Variants in SLC12A2 observed in about 807,000 individuals in gnomAD.
SLC12A2 encodes Na-K-2Cl cotransporter 1.
In SLC12A2, 67 loss-of-function variants were observed where a neutral mutation model predicts 136.3. That is an observed-to-expected ratio of 0.49 (90% CI 0.40 to 0.60). The LOEUF (loss-of-function observed/expected upper bound fraction) is 0.60, where lower values mean the gene tolerates loss of function less well. Ranked by LOEUF, SLC12A2 falls within the 20% of genes least tolerant of loss-of-function variation. SLC12A2 has a pLI of 0.00. For missense variants in SLC12A2, 1,322 were observed against 1,534.7 expected (o/e 0.86, Z 2.32); for synonymous variants, 619 against 562.9 (o/e 1.10, Z -1.41).
chr5:128,159,939 G>T (rs759722776), intron 16 of SLC12A2, among the ~76,000 whole-genome samples: 1 of 152,250 alleles, frequency 6.6e-6, no homozygotes, highest in Non-Finnish European at 1.5e-5. Context: ...ACATACACAC[G>T]TATGTTTATT....
chr5:128,168,333 T>C (rs1199024451), intron 18 of SLC12A2: 1 of 152,302 alleles, frequency 6.6e-6, no homozygotes, highest in Non-Finnish European at 1.5e-5. Flanking sequence ...TTAAGTTATT[T>C]ACATTTCTTT....
Position 128,138,858 on chromosome 5 carries a change from T to C in SLC12A2, c.1571T>C (p.Leu524Pro). The C allele has an allele frequency of 6.2e-7, 1 of 1,613,488 alleles. No homozygotes were observed. Among genetic ancestry groups the C allele is most frequent in the Non-Finnish European group, 8.5e-7 (1 of 1,179,586 alleles). The change falls in exon 9 of 27, where the codon CTA becomes CCA. Residue 524 changes from leucine (L) to proline (P), a missense_variant. Leu to Pro is a moderately conservative substitution (Grantham distance 98, BLOSUM62 -3). This residue lies in a region of SLC12A2 where 294 missense variants were observed against 436.6 expected (regional missense o/e 0.67). Transcript: ENST00000262461. ...TCAGCCATACCCAAAGGAACACTCCTAGCCATTTTAATTACTACATTGGTT... is the reference window on the plus strand; with the variant it reads ...TCAGCCATACCCAAAGGAACACTCCCAGCCATTTTAATTACTACATTGGTT... ...PQSAIPKGTL[L>P]AILITTLVYV...
At chr5:128,167,991 A>G (rs1561699953) in intron 18 of SLC12A2, 124 bp downstream of exon 18, 1 of 572,244 alleles carries the variant, frequency 1.7e-6, no homozygotes, top group Non-Finnish European at 3.0e-6. Context: ...GAACGAAAAG[A>G]ATCACACAAA....
chr5:128,153,347 G>A (rs1762766562), intron 15 of SLC12A2, among the ~76,000 whole-genome samples: 1 of 152,204 alleles, frequency 6.6e-6, no homozygotes. Context: ...TTGAGGTCAG[G>A]AGTTTGAGAC....
intron 5 of SLC12A2, among the ~76,000 whole-genome samples, chr5:128,133,621 T>G (rs1290826568): frequency 6.6e-6 from 1 of 152,078 alleles, no homozygotes; most frequent in Non-Finnish European, 1.5e-5. Context: ...TAGCTTTTGC[T>G]TAGTTAACTG....
intron 1 of SLC12A2, among the ~76,000 whole-genome samples, chr5:128,111,259 A>T (rs889090479): frequency 3.3e-5 from 5 of 152,098 alleles, no homozygotes; most frequent in African/African-American, 1.2e-4. Flanking sequence ...AAATCAAAGA[A>T]TTAACAGTAA....
intron 9 of SLC12A2, among the ~76,000 whole-genome samples, chr5:128,140,485 T>C (rs972945162): frequency 1.3e-5 from 2 of 152,200 alleles, no homozygotes; most frequent in Admixed American, 6.5e-5. Flanking sequence ...AGTGACATAA[T>C]TGATTATGTT....
chr5:128,171,369 A>G lies in SLC12A2; in HGVS notation c.2724-298A>G, dbSNP rs1399461458. 1.1e-4 allele frequency among the ~76,000 whole-genome samples: 17 copies of G among 152,136 alleles called. 1 individual carries two copies. Among genetic ancestry groups the G allele is most frequent in the Admixed American group, 1.0e-3 (16 of 15,260 alleles). On this transcript the variant is annotated intron_variant, in intron 18 of 26. Coordinates refer to ENST00000262461, the MANE Select transcript of SLC12A2 (RefSeq NM_001046.3). The stretch of plus-strand genomic sequence containing the variant: ...GCGGGATTCTGAAAGTAGTTTTTCT[A>G]TAATTTAACTTAGTAGGATAAAAAT...
chr5:128,117,864 A>G (rs1761407206), intron 4 of SLC12A2, among the ~76,000 whole-genome samples: 1 of 152,180 alleles, frequency 6.6e-6, no homozygotes, highest in Non-Finnish European at 1.5e-5. Context: ...AGGAACTCAA[A>G]TCAGCAAGAA....
At chr5:128,092,925 A>C (rs889680486) in intron 1 of SLC12A2, among the ~76,000 whole-genome samples, 1 of 152,162 alleles carries the variant, frequency 6.6e-6, no homozygotes, top group Non-Finnish European at 1.5e-5. Context: ...AAAAAGCGGA[A>C]TATTTTATTT....
At chr5:128,126,967 T>TATATATATATA (rs1491322749) in intron 4 of SLC12A2, among the ~76,000 whole-genome samples, 8 of 29,648 alleles carry the variant, frequency 2.7e-4, no homozygotes, top group African/African-American at 5.8e-4. Context: ...TATATATATA[T>TATATATATATA]TTTTTTTTTT....
At chr5:128,118,975 G>C (rs780639085) in intron 4 of SLC12A2, among the ~76,000 whole-genome samples, 4 of 152,100 alleles carry the variant, frequency 2.6e-5, no homozygotes, top group Non-Finnish European at 5.9e-5. Context: ...AGATGGAGAG[G>C]AGAGTTAATG....
At chr5:128,173,796 C>T (rs1223203071) in intron 19 of SLC12A2, among the ~76,000 whole-genome samples, 1 of 152,128 alleles carries the variant, frequency 6.6e-6, no homozygotes, top group African/African-American at 2.4e-5. Flanking sequence ...TATGGACATA[C>T]TATCAATTTT....
At chr5:128,159,642 T>A (rs1762972223) in intron 16 of SLC12A2, among the ~76,000 whole-genome samples, 1 of 152,048 alleles carries the variant, frequency 6.6e-6, no homozygotes, top group Non-Finnish European at 1.5e-5. Flanking sequence ...GAAAAAAAGC[T>A]CATCGTCACT....
chr5:128,121,168 A>G (rs1313656187), intron 4 of SLC12A2, among the ~76,000 whole-genome samples: 1 of 152,222 alleles, frequency 6.6e-6, no homozygotes, highest in South Asian at 2.1e-4. Flanking sequence ...CTTTGTTATT[A>G]ACTTGTAAAC....
chr5:128,135,081 C>G (rs1296391781), intron 6 of SLC12A2, among the ~76,000 whole-genome samples: 1 of 151,990 alleles, frequency 6.6e-6, no homozygotes, highest in Non-Finnish European at 1.5e-5. Context: ...GTATGTAGTT[C>G]CATTTCCCAC....
chr5:128,148,471 T>C (rs1365250037), intron 11 of SLC12A2, among the ~76,000 whole-genome samples: 1 of 151,850 alleles, frequency 6.6e-6, no homozygotes, highest in Non-Finnish European at 1.5e-5. Context: ...CTTCCAACTT[T>C]GTTTTTACTT....
chr5:128,173,005 AT>A (rs1763429156), intron 19 of SLC12A2, among the ~76,000 whole-genome samples: 2 of 152,078 alleles, frequency 1.3e-5, no homozygotes, highest in Non-Finnish European at 2.9e-5. Flanking sequence ...GAAGATTTTT[AT>A]ATCCTTTGAA....
At position 128,131,080 on chromosome 5, in the gene SLC12A2, T is replaced by C. The variant is rs779057891; in HGVS notation, c.1062T>C (p.Tyr354=). The change falls in exon 5 of 27, where the codon TAT becomes TAC. Residue 354 remains tyrosine, a synonymous_variant. Transcript: ENST00000262461. The part of the protein sequence containing the change: ...NGFVRGGGAY[Y]LISRSLGPEF... ...GTTTGTTTTTAGGAGGAGCATATTA[T>C]TTAATATCTAGAAGTCTAGGGCCAG... 31 of 1,613,974 alleles carry C rather than the reference T, an allele frequency of 1.9e-5. No homozygotes were observed. The highest frequency in any genetic ancestry group is 2.1e-5 in the Non-Finnish European group (25 of 1,179,846).
Sources: allele counts gnomAD v4.1 joint callset (sites outside exome capture counted in the v4.1 genomes callset), GRCh38; gene constraint gnomAD v4.1.1; regional missense constraint gnomAD v4.1.1; transcripts MANE v1.5; gene names NCBI Gene and HGNC (gene_info 2026-07-23, HGNC 2026-07-21).